Variants in TMEM240 observed in about 807,000 individuals in gnomAD.
TMEM240 encodes transmembrane protein C1orf70.
A neutral mutation model predicts 19.5 loss-of-function variants in TMEM240; 3 were observed. That is an observed-to-expected ratio of 0.15 (90% CI 0.07 to 0.40). The LOEUF is 0.40. Among genes scored for constraint, TMEM240 ranks in the 10% least tolerant of loss-of-function variants. TMEM240 has a pLI of 1.00. For synonymous variants in TMEM240, 123 were observed against 109.3 expected, an observed-to-expected ratio of 1.13 and a Z score of -0.78; for missense variants, 210 against 253.5, an observed-to-expected ratio of 0.83 and a Z score of 1.17.
In TMEM240 at chr1:1,540,436, A is replaced by G; in HGVS notation, c.-90T>C. 1.3e-5 allele frequency: 5 copies of G among 381,456 alleles called. No homozygotes were observed. The highest frequency in any genetic ancestry group is 1.8e-5 in the Non-Finnish European group (5 of 278,428). 23.6% of individuals were successfully genotyped at this position (381,456 alleles called of 1,614,324 possible). On this transcript the variant is annotated 5_prime_UTR_variant, in exon 1 of 4. Transcript: ENST00000378733. ...GATGCTGAGCCCCCGCCGCCTCCGC[A>G]GAGGTCAGCGCTTCCCTGGATCGTC...
rs746028400 is a variant in TMEM240, at chr1:1,535,229, C to A, written c.*130G>T. The A allele has an allele frequency of 9.3e-7, 1 of 1,080,862 alleles. No homozygotes were observed. Among genetic ancestry groups the A allele is most frequent in the Non-Finnish European group, 1.3e-6 (1 of 768,262 alleles). 67.0% of individuals were successfully genotyped at this position (1,080,862 alleles called of 1,614,324 possible). On this transcript the variant is annotated 3_prime_UTR_variant, in exon 4 of 4. Transcript: ENST00000378733. The surrounding 1 kb of genome is among the most constrained non-coding windows in gnomAD (Gnocchi z 8.2). The stretch of plus-strand genomic sequence containing the variant: ...GCACCTTCCACTGGACTCTCCCGGC[C>A]GGCCACAGCCCCGGACAACCTGGGC...
chr1:1,539,418 G>A (rs565182783), intron 2 of TMEM240: 1 of 513,986 alleles, frequency 1.9e-6, no homozygotes, highest in Non-Finnish European at 3.5e-6. Flanking sequence ...CTGGGCTGCG[G>A]CTTTCCGGCC....
chr1:1,535,577 CGAG>C lies in TMEM240; in HGVS notation c.373+9_373+11del, dbSNP rs765411959. On this transcript the variant is annotated intron_variant, in intron 3 of 3. Transcript: ENST00000378733. The surrounding 1 kb of genome is among the most constrained non-coding windows in gnomAD (Gnocchi z 8.2). ...CGGCAGCACTCCCGGGCGGCGGGCA[CGAG>C]GCACTCACCGTAGCGCCGTCCGGCT... 1.4e-4 allele frequency: 213 copies of C among 1,546,684 alleles called. No individual in the cohort carries two copies. In the African/African-American group the frequency reaches 2.7e-3, roughly 19 times the overall value.
At chr1:1,539,616 C>A (rs1248813421) in intron 2 of TMEM240, 68 bp downstream of exon 2, 25 of 1,392,748 alleles carry the variant, frequency 1.8e-5, no homozygotes, top group Middle Eastern at 2.4e-4. Flanking sequence ...GGTTCCCCCG[C>A]GCCCCGAGTG....
intron 2 of TMEM240, 86 bp downstream of exon 2, chr1:1,539,598 G>A: frequency 1.6e-6 from 2 of 1,213,072 alleles, no homozygotes; most frequent in Non-Finnish European, 2.3e-6. Context: ...CGCGGCCTGC[G>A]TGGGGCTGGT....
At chr1:1,539,990 G>C (rs867193225) in intron 1 of TMEM240, among the ~76,000 whole-genome samples, 200 bp from the exon 2 acceptor site, 1 of 111,522 alleles carries the variant, frequency 9.0e-6, no homozygotes, top group Non-Finnish European at 1.9e-5. Context: ...AGGCCGGGGT[G>C]GGGGGAGCGC....
chr1:1,539,624 G>A, intron 2 of TMEM240, 60 bp downstream of exon 2: 1 of 1,459,188 alleles, frequency 6.9e-7, no homozygotes. Context: ...CGCGCCCCGA[G>A]TGGGCCCCGC....
In TMEM240 at chr1:1,538,353, G is replaced by A. The variant is rs542492934; in HGVS notation, c.164+1331C>T. ...TCAGCGTGCACCCACCCGAGTCCACGCGTGCTCTGGACACGGCATGAGCCG... is the reference window on the plus strand; with the variant it reads ...TCAGCGTGCACCCACCCGAGTCCACACGTGCTCTGGACACGGCATGAGCCG... On this transcript the variant is annotated intron_variant, in intron 2 of 3. Coordinates refer to ENST00000378733, the MANE Select transcript of TMEM240 (RefSeq NM_001114748.2). Among the ~76,000 whole-genome samples the A allele has an allele frequency of 2.0e-5, 3 of 152,300 alleles. No individual in the cohort carries two copies. The South Asian group carries it at 6.2e-4, about 32-fold the overall frequency.
rs1412358739 is a variant in TMEM240 at position 1,535,349 on chromosome 1, C to G, written c.*10G>C. ...GTTGGCTCGGTGGCCCCGGTAAGTC[C>G]CCGTGCGGCTCACAGGTGCCGCGGG... On this transcript the variant is annotated 3_prime_UTR_variant, in exon 4 of 4. Transcript: ENST00000378733. The surrounding 1 kb of genome is among the most constrained non-coding windows in gnomAD (Gnocchi z 8.2). 1 of 1,548,452 alleles carries G rather than the reference C, an allele frequency of 6.5e-7. No individual in the cohort carries two copies. Among genetic ancestry groups the G allele is most frequent in the Non-Finnish European group, 8.7e-7 (1 of 1,145,994 alleles).
chr1:1,534,915 T>TCC lies in TMEM240; in HGVS notation c.*442_*443dup, dbSNP rs397862120. Among the ~76,000 whole-genome samples the TCC allele has an allele frequency of 6.7e-6, 1 of 150,180 alleles. No individual in the cohort carries two copies. The highest frequency in any genetic ancestry group is 2.5e-5 in the African/African-American group (1 of 40,112). ...CCTGTGGCTGTGCACACGCGGGTGC[T>TCC]CCCCTCGCCCCCCTCCCCTCCGCCC... On this transcript the variant is annotated 3_prime_UTR_variant, in exon 4 of 4. Transcript: ENST00000378733.
At chr1:1,537,987 ACT>A (rs1642248453) in intron 2 of TMEM240, among the ~76,000 whole-genome samples, 1 of 152,012 alleles carries the variant, frequency 6.6e-6, no homozygotes, top group African/African-American at 2.4e-5. Flanking sequence ...ATGTACACAC[ACT>A]CGTTCTGAAC....
intron 2 of TMEM240, chr1:1,539,167 G>GGC (rs1490621084): frequency 6.2e-6 from 1 of 161,784 alleles, no homozygotes; most frequent in Non-Finnish European, 1.3e-5. Flanking sequence ...GGGGGGTCTG[G>GGC]GCGCTCCCCT....
Position 1,540,308 on chromosome 1 carries a change from C to G in TMEM240, c.39G>C (p.Leu13=). The change falls in exon 1 of 4, where the codon CTG becomes CTC. Residue 13 remains leucine, a synonymous_variant. Coordinates refer to ENST00000378733, the MANE Select transcript of TMEM240 (RefSeq NM_001114748.2). Reference sequence around the variant, plus strand: ...CGCTCACCATCACGACCGACGCCCCCAGAATCATGAAGATCATGGTGTTCG... The same window carrying G: ...CGCTCACCATCACGACCGACGCCCCGAGAATCATGAAGATCATGGTGTTCG... ...MSANTMIFMI[L]GASVVMAIAC... 2 of 1,340,890 alleles carry G rather than the reference C, an allele frequency of 1.5e-6. No homozygotes were observed. The highest frequency in any genetic ancestry group is 1.9e-6 in the Non-Finnish European group (2 of 1,037,574). 83.1% of individuals were successfully genotyped at this position (1,340,890 alleles called of 1,614,324 possible).
rs1642273719 is a variant in TMEM240 at position 1,539,865 on chromosome 1, C to T, written c.58-75G>A. ...GGGGCTGGGGGTGGGGAGCGCAGGCCGGGGTCGGGGCAGCGCAAGCGGGGA... is the reference window on the plus strand; with the variant it reads ...GGGGCTGGGGGTGGGGAGCGCAGGCTGGGGTCGGGGCAGCGCAAGCGGGGA... On this transcript the variant is annotated intron_variant, in intron 1 of 3. Transcript: ENST00000378733. 8.9e-6 allele frequency: 4 copies of T among 449,338 alleles called. No individual in the cohort carries two copies. In the Admixed American group the frequency reaches 1.1e-4, roughly 12 times the overall value. The allele number at this position is 449,338 out of a possible 1,614,324, so 27.8% of individuals were successfully genotyped here.
Position 1,535,921 on chromosome 1 carries a change from CTCT to C in TMEM240, c.165-127_165-125del. On this transcript the variant is annotated intron_variant, in intron 2 of 3. Transcript: ENST00000378733. This position sits in a 1 kb window ranked among gnomAD's most constrained non-coding sequence, Gnocchi z 8.2. The stretch of plus-strand genomic sequence containing the variant: ...CGCCCTGGGGGTTCTCTGAAGCAGC[CTCT>C]TGGGCGGGCGGGTCGGGAAGGGGGC... 1 of 478,010 alleles carries C rather than the reference CTCT, an allele frequency of 2.1e-6. No individual in the cohort carries two copies. Among genetic ancestry groups the C allele is most frequent in the Non-Finnish European group, 4.0e-6 (1 of 250,330 alleles). 29.6% of individuals were successfully genotyped at this position (478,010 alleles called of 1,614,324 possible).
rs1231289982 is a variant in TMEM240 at position 1,535,157 on chromosome 1, C to T, written c.*202G>A. On this transcript the variant is annotated 3_prime_UTR_variant, in exon 4 of 4. Coordinates refer to ENST00000378733, the MANE Select transcript of TMEM240 (RefSeq NM_001114748.2). This position sits in a 1 kb window ranked among gnomAD's most constrained non-coding sequence, Gnocchi z 8.2. ...ACTGCAGGGTCTCCCCTAACCCAAC[C>T]CCCACCCTAGCCCACACCCCAACCC... 1 of 532,428 alleles carries T rather than the reference C, an allele frequency of 1.9e-6. No individual in the cohort carries two copies. The highest frequency in any genetic ancestry group is 2.5e-5 in the South Asian group (1 of 40,728). The allele number at this position is 532,428 out of a possible 1,614,324, so 33.0% of individuals were successfully genotyped here.
chr1:1,534,989 C>T lies in TMEM240; in HGVS notation c.*370G>A, dbSNP rs1035963206. On this transcript the variant is annotated 3_prime_UTR_variant, in exon 4 of 4. Coordinates refer to ENST00000378733, the MANE Select transcript of TMEM240 (RefSeq NM_001114748.2). ...GGTGGACGCAGCGCACGGGAAACAGCGCCTTCAAACAGATGCTGGCCCGGG... is the reference window on the plus strand; with the variant it reads ...GGTGGACGCAGCGCACGGGAAACAGTGCCTTCAAACAGATGCTGGCCCGGG... 2.0e-5 allele frequency among the ~76,000 whole-genome samples: 3 copies of T among 150,202 alleles called. No individual in the cohort carries two copies. The highest frequency in any genetic ancestry group is 3.0e-5 in the Non-Finnish European group (2 of 67,724).
Position 1,536,060 on chromosome 1 carries a change from C to T in TMEM240, c.165-263G>A, listed in dbSNP as rs562143076. 5.3e-5 allele frequency among the ~76,000 whole-genome samples: 8 copies of T among 152,212 alleles called. No individual in the cohort carries two copies. Among genetic ancestry groups the T allele is most frequent in the African/African-American group, 1.7e-4 (7 of 41,522 alleles). On this transcript the variant is annotated intron_variant, in intron 2 of 3. Transcript: ENST00000378733. The surrounding 1 kb of genome is among the most constrained non-coding windows in gnomAD (Gnocchi z 5.4). ...GGCAGACAGCGGGACCAGCTGCCGG[C>T]GAGGGTGTCGGCCCTCACTCAGCAC...
At position 1,536,089 on chromosome 1, in the gene TMEM240, C is replaced by T. The variant is rs541254310; in HGVS notation, c.165-292G>A. Among the ~76,000 whole-genome samples, 1 of 152,246 alleles carries T rather than the reference C, an allele frequency of 6.6e-6. No homozygotes were observed. The highest frequency in any genetic ancestry group is 6.5e-5 in the Admixed American group (1 of 15,310). Reference sequence around the variant, plus strand: ...GGTGTCGGCCCTCACTCAGCACCTCCTCCCTGAGGCCTGGAGCTCACGGGA... The same window carrying T: ...GGTGTCGGCCCTCACTCAGCACCTCTTCCCTGAGGCCTGGAGCTCACGGGA... On this transcript the variant is annotated intron_variant, in intron 2 of 3. Coordinates refer to ENST00000378733, the MANE Select transcript of TMEM240 (RefSeq NM_001114748.2). This position sits in a 1 kb window ranked among gnomAD's most constrained non-coding sequence, Gnocchi z 5.4.
Sources: gnomAD v4.1 joint callset for allele counts (sites outside exome capture counted in the v4.1 genomes callset) on GRCh38, gnomAD v4.1.1 for gene constraint, Gnocchi (gnomAD v3.1) non-coding constraint, MANE v1.5 for transcripts, NCBI Gene and HGNC (gene_info 2026-07-23, HGNC 2026-07-21) for gene names.